The following CAMK2G variants were observed in gnomAD, a reference collection of about 807,000 sequenced individuals.
The protein encoded by CAMK2G is calcium/calmodulin dependent protein kinase II gamma, also known as calcium/calmodulin-dependent protein kinase type II subunit gamma.
Under a neutral mutation model 88.7 loss-of-function variants are expected in CAMK2G, and 23 were observed. The ratio of observed to expected loss-of-function variants is 0.26; its 90% CI spans 0.19 to 0.37. The LOEUF (loss-of-function observed/expected upper bound fraction) is 0.37. Ranked by LOEUF, CAMK2G falls within the 10% of genes least tolerant of loss-of-function variation. The pLI is 1.00. For synonymous variants in CAMK2G, 263 were observed against 294.8 expected (o/e 0.89, Z 1.11); for missense variants, 476 against 780.8 (o/e 0.61, Z 4.65).
At chr10:73,862,504 A>C (rs1283156597) in intron 2 of CAMK2G, among the ~76,000 whole-genome samples, 1 of 152,172 alleles carries the variant, frequency 6.6e-6, no homozygotes, top group Non-Finnish European at 1.5e-5. Context: ...CACTGACTAC[A>C]TGTCAGGCAG....
intron 21 of CAMK2G, 76 bp downstream of exon 21, chr10:73,816,947 G>A (rs772258246): frequency 1.3e-5 from 21 of 1,613,164 alleles, no homozygotes; most frequent in South Asian, 2.2e-5. Context: ...CAACTGGGAT[G>A]AGAAGGTGAG....
At chr10:73,862,111 T>G (rs1343250584) in intron 2 of CAMK2G, among the ~76,000 whole-genome samples, 3 of 152,158 alleles carry the variant, frequency 2.0e-5, no homozygotes, top group African/African-American at 7.2e-5. Flanking sequence ...GTGGGTCAAT[T>G]CCTTCCACAG....
intron 10 of CAMK2G, among the ~76,000 whole-genome samples, chr10:73,843,293 T>C (rs2093957140): frequency 6.6e-6 from 1 of 152,190 alleles, no homozygotes; most frequent in Admixed American, 6.5e-5. Context: ...CTCGAACTCC[T>C]GACCTCAAGT....
intron 15 of CAMK2G, among the ~76,000 whole-genome samples, chr10:73,827,217 A>T (rs959665881): frequency 6.6e-6 from 1 of 151,960 alleles, no homozygotes; most frequent in Non-Finnish European, 1.5e-5. Context: ...GACGGAGTCT[A>T]GCTCTGTCGC....
intron 3 of CAMK2G, among the ~76,000 whole-genome samples, chr10:73,859,145 G>A (rs761274952): frequency 2.6e-5 from 4 of 152,328 alleles, no homozygotes; most frequent in Non-Finnish European, 4.4e-5. Context: ...CTTTAGTCAC[G>A]CACATGTTTT....
In CAMK2G at chr10:73,849,047, G is replaced by A. The variant is rs756831952; in HGVS notation, c.483C>T (p.Ala161=). 1 of 1,613,578 alleles carries A rather than the reference G, an allele frequency of 6.2e-7. No homozygotes were observed. The highest frequency in any genetic ancestry group is 1.3e-5 in the African/African-American group (1 of 74,898). ...CCTGCTGCTCTCCCTGTACTTCGAT[G>A]GCTAGGCCAAAATCAGCCAGCTTGA... ...AAVKLADFGL[A]IEVQGEQQAW... is the part of the protein sequence containing the mutation. The change falls in exon 7 of 23, where the codon GCC becomes GCT. Residue 161 remains alanine, a synonymous_variant. Coordinates refer to ENST00000423381, the MANE Select transcript of CAMK2G (RefSeq NM_001367534.1).
At chr10:73,817,186 C>A (rs924738394) in intron 20 of CAMK2G, 69 bp from the exon 21 acceptor site, 2 of 1,541,768 alleles carry the variant, frequency 1.3e-6, no homozygotes, top group East Asian at 4.5e-5. Context: ...TCCTTATCAG[C>A]GGTGTCTATC....
Position 73,815,036 on chromosome 10 carries a change from G to A in CAMK2G, c.1746C>T (p.Ala582=). 6.2e-7 allele frequency: 1 copy of A among 1,613,536 alleles called. No homozygotes were observed. The highest frequency in any genetic ancestry group is 1.1e-5 in the South Asian group (1 of 91,054). The change falls in exon 22 of 23, where the codon GCC becomes GCT. Residue 582 remains alanine (A), a synonymous_variant. Coordinates refer to ENST00000423381, the MANE Select transcript of CAMK2G (RefSeq NM_001367534.1). Reference sequence around the variant, plus strand: ...GAGCTCACTGCAGCGGTGCGGCAGGGGCCCCTGAGCAGTGATAGTGGACAT... The same window carrying A: ...GAGCTCACTGCAGCGGTGCGGCAGGAGCCCCTGAGCAGTGATAGTGGACAT... ...WLNVHYHCSG[A]PAAPLQ is the part of the protein sequence containing the mutation.
At chr10:73,843,231 T>G (rs1355785804) in intron 10 of CAMK2G, among the ~76,000 whole-genome samples, 1 of 152,072 alleles carries the variant, frequency 6.6e-6, no homozygotes, top group Non-Finnish European at 1.5e-5. Flanking sequence ...ACCCAGCTAA[T>G]TTTTGTATTT....
Position 73,848,620 on chromosome 10 carries a change from AGAG to A in CAMK2G, c.518-14_518-12del. Reference sequence around the variant, plus strand: ...GGGTGCCAGCAAAACCTGTAGCAAAAGAGAGGGCAGAGGCATACTGAACCCACT... The same window carrying A: ...GGGTGCCAGCAAAACCTGTAGCAAAAAGGGCAGAGGCATACTGAACCCACT... On this transcript the variant is annotated splice_polypyrimidine_tract_variant and intron_variant, in intron 7 of 22. Coordinates refer to ENST00000423381, the MANE Select transcript of CAMK2G (RefSeq NM_001367534.1). This position sits in a 1 kb window ranked among gnomAD's most constrained non-coding sequence, Gnocchi z 4.5. The A allele has an allele frequency of 6.5e-7, 1 of 1,548,948 alleles. No homozygotes were observed. The highest frequency in any genetic ancestry group is 8.9e-7 in the Non-Finnish European group (1 of 1,125,144).
At chr10:73,845,132 G>A (rs532104886) in intron 10 of CAMK2G, among the ~76,000 whole-genome samples, 4 of 152,322 alleles carry the variant, frequency 2.6e-5, no homozygotes, top group Admixed American at 6.5e-5. Context: ...AGCATAGGAA[G>A]AGGCTATTTC....
At chr10:73,825,952 C>A (rs746783410) in intron 15 of CAMK2G, among the ~76,000 whole-genome samples, 3 of 152,192 alleles carry the variant, frequency 2.0e-5, no homozygotes, top group Non-Finnish European at 2.9e-5. Context: ...GTGCTGTTCA[C>A]CTTTTTGTCT....
At chr10:73,849,405 T>C (rs1590840288) in intron 5 of CAMK2G, 72 bp from the exon 6 acceptor site, 1 of 1,087,520 alleles carries the variant, frequency 9.2e-7, no homozygotes, top group East Asian at 2.4e-5. Context: ...AACCACATGC[T>C]GCAGACTAAG....
intron 15 of CAMK2G, among the ~76,000 whole-genome samples, chr10:73,825,775 C>G (rs2090739196): frequency 6.6e-6 from 1 of 152,224 alleles, no homozygotes; most frequent in Non-Finnish European, 1.5e-5. Flanking sequence ...CACTTTCAAC[C>G]CAGCACCTGT....
intron 14 of CAMK2G, among the ~76,000 whole-genome samples, chr10:73,829,822 T>C (rs1461970454): frequency 1.3e-5 from 2 of 152,044 alleles, no homozygotes; most frequent in Non-Finnish European, 2.9e-5. Context: ...CCACAGTACC[T>C]AGCAACATGC....
At position 73,817,523 on chromosome 10, in the gene CAMK2G, T is replaced by C. The variant is rs201287315; in HGVS notation, c.1395A>G (p.Glu465=). 1.1e-5 allele frequency: 17 copies of C among 1,613,392 alleles called. No homozygotes were observed. The East Asian group carries it at 2.9e-4, about 27-fold the overall frequency. The change falls in exon 20 of 23, where the codon GAA becomes GAG. Residue 465 remains glutamate (E), a synonymous_variant. Transcript: ENST00000423381. The part of the protein sequence containing the change: ...MRKQEIIKIT[E]QLIEAINNGD... ...CATTGTTGATGGCTTCAATCAGCTG[T>C]TCTGTAATCTTAATGATCTCCTGTT...
intron 12 of CAMK2G, chr10:73,841,790 T>G: frequency 5.4e-6 from 1 of 185,012 alleles, no homozygotes; most frequent in Non-Finnish European, 1.1e-5. Flanking sequence ...AATTTGGCAA[T>G]TGAGAAGACT....
At chr10:73,833,484 G>GT (rs2092780407) in intron 14 of CAMK2G, among the ~76,000 whole-genome samples, 1 of 151,868 alleles carries the variant, frequency 6.6e-6, no homozygotes, top group Non-Finnish European at 1.5e-5. Context: ...ATGGCACCTT[G>GT]TTTCAATTTG....
chr10:73,873,131 G>T, intron 1 of CAMK2G, 48 bp from the exon 2 acceptor site: 1 of 1,288,158 alleles, frequency 7.8e-7, no homozygotes, highest in Non-Finnish European at 1.1e-6. Context: ...AGGGCAGAGT[G>T]ACACAGACAC....
Sources: gnomAD v4.1 joint callset for allele counts (sites outside exome capture counted in the v4.1 genomes callset) on GRCh38, gnomAD v4.1.1 for gene constraint, Gnocchi (gnomAD v3.1) non-coding constraint, MANE v1.5 for transcripts, NCBI Gene and HGNC (gene_info 2026-07-23, HGNC 2026-07-21) for gene names.